SULT6B1: variants seen among roughly 807,000 people sequenced by gnomAD.
The protein encoded by SULT6B1 is sulfotransferase 6B1.
SULT6B1 carries 44 observed loss-of-function variants against 37.2 expected under a neutral mutation model. The observed-to-expected ratio is 1.18, with a 90% CI of 0.93 to 1.52. The LOEUF (loss-of-function observed/expected upper bound fraction) is 1.52. Ranked by LOEUF, SULT6B1 falls within the 40% of genes most tolerant of loss-of-function variation. SULT6B1 has a pLI of 0.00. For synonymous variants in SULT6B1, 140 were observed against 126.0 expected (o/e 1.11, Z -0.74); for missense variants, 450 against 361.0 (o/e 1.25, Z -2.00).
At chr2:37,182,639 A>G (rs922169953) in intron 3 of SULT6B1, among the ~76,000 whole-genome samples, 3 of 152,176 alleles carry the variant, frequency 2.0e-5, no homozygotes, top group Non-Finnish European at 4.4e-5. Flanking sequence ...GGGAGTTTAA[A>G]TAAATCTTGA....
intron 2 of SULT6B1, among the ~76,000 whole-genome samples, 183 bp downstream of exon 2, chr2:37,187,172 T>A (rs894632075): frequency 1.3e-5 from 2 of 152,226 alleles, no homozygotes; most frequent in African/African-American, 4.8e-5. Flanking sequence ...TGTGAAATGG[T>A]AATAAGGTTA....
At chr2:37,175,818 C>T (rs1676412456) in intron 4 of SULT6B1, among the ~76,000 whole-genome samples, 3 of 152,076 alleles carry the variant, frequency 2.0e-5, no homozygotes, top group Non-Finnish European at 2.9e-5. Context: ...CTGAAAATCT[C>T]AATTTGGATG....
Position 37,175,240 on chromosome 2 carries a change from G to C in SULT6B1, c.530-14C>G, listed in dbSNP as rs1676392496. On this transcript the variant is annotated splice_polypyrimidine_tract_variant and intron_variant, in intron 4 of 6. Transcript: ENST00000535679. ...TTCCCCAAGAAACTAAAAACACAGG[G>C]GGGAAGACTTTAAGAAATGTCAAAT... 1 of 1,477,748 alleles carries C rather than the reference G, an allele frequency of 6.8e-7. No individual in the cohort carries two copies. The highest frequency in any genetic ancestry group is 9.2e-7 in the Non-Finnish European group (1 of 1,083,844). The allele number at this position is 1,477,748 out of a possible 1,614,324, so 91.5% of individuals were successfully genotyped here. A position where few individuals can be genotyped will look rare whatever the true frequency, so the allele number is the denominator to read the frequency against.
intron 5 of SULT6B1, among the ~76,000 whole-genome samples, chr2:37,173,203 A>T (rs747818971): frequency 6.6e-6 from 1 of 152,076 alleles, no homozygotes; most frequent in Non-Finnish European, 1.5e-5. Flanking sequence ...GGTGTTAGAA[A>T]CCCAATTAAG....
Position 37,183,494 on chromosome 2 carries a change from T to C in SULT6B1, c.333A>G (p.Ser111=), listed in dbSNP as rs1449831735. 6.2e-7 allele frequency: 1 copy of C among 1,614,088 alleles called. No individual in the cohort carries two copies. The change falls in exon 3 of 7, where the codon TCA becomes TCG. Residue 111 remains serine, a synonymous_variant. Coordinates refer to ENST00000535679, the MANE Select transcript of SULT6B1 (RefSeq NM_001367551.1). The part of the protein sequence containing the change: ...EKYQRMKGFP[S]PRILATHLHY... ...GGAGGTGAGTTGCCAAAATCCTTGGTGATGGAAAGCCTTTCATTCTCTTAA... is the reference window on the plus strand; with the variant it reads ...GGAGGTGAGTTGCCAAAATCCTTGGCGATGGAAAGCCTTTCATTCTCTTAA...
chr2:37,169,348 A>G (rs1449597054), intron 6 of SULT6B1, among the ~76,000 whole-genome samples: 1 of 152,222 alleles, frequency 6.6e-6, no homozygotes, highest in East Asian at 1.9e-4. Context: ...CAGTAGAGTC[A>G]TGTCTAGGCT....
chr2:37,192,050 C>T (rs1676790792), upstream of SULT6B1, among the ~76,000 whole-genome samples: 1 of 152,174 alleles, frequency 6.6e-6, no homozygotes, highest in Non-Finnish European at 1.5e-5. Context: ...GGAGTGCAAG[C>T]AAGTACAGCT....
chr2:37,171,455 C>A lies in SULT6B1; in HGVS notation c.760G>T (p.Gly254Cys). The stretch of plus-strand genomic sequence containing the variant: ...TTACCTTTGCGGAAAAGGAATGGGC[C>A]GACAGCACCGTGTGTGTCCTGAGAC... ...AKSQDTHGAV[G>C]PFLFRKGEVG... Residue 254 changes from glycine (G) to cysteine (C), a missense_variant, in exon 6 of 7, where the codon GGC (glycine) becomes TGC (cysteine). Transcript: ENST00000535679. 1 of 1,613,756 alleles carries A rather than the reference C, an allele frequency of 6.2e-7. No individual in the cohort carries two copies. Among genetic ancestry groups the A allele is most frequent in the South Asian group, 1.1e-5 (1 of 90,978 alleles).
intron 4 of SULT6B1, among the ~76,000 whole-genome samples, chr2:37,176,884 G>A (rs1473639199): frequency 6.6e-6 from 1 of 152,156 alleles, no homozygotes; most frequent in Non-Finnish European, 1.5e-5. Flanking sequence ...GCTGTGTGGA[G>A]CTAAGGAACA....
intron 4 of SULT6B1, among the ~76,000 whole-genome samples, chr2:37,176,475 G>C (rs1676431886): frequency 1.3e-5 from 2 of 151,866 alleles, no homozygotes; most frequent in Admixed American, 1.3e-4. Context: ...GGTCAGGCTG[G>C]TCTTGAACTC....
At chr2:37,173,144 T>C (rs1676342627) in intron 5 of SULT6B1, among the ~76,000 whole-genome samples, 1 of 152,184 alleles carries the variant, frequency 6.6e-6, no homozygotes, top group Non-Finnish European at 1.5e-5. Context: ...TGAGCCACCA[T>C]GCCTGGCCTA....
chr2:37,181,443 G>A (rs12988288), intron 3 of SULT6B1, among the ~76,000 whole-genome samples: 42,815 of 151,950 alleles, frequency 0.28, 6,777 homozygotes, highest in Non-Finnish European at 0.35. Flanking sequence ...GTGCAGTGGC[G>A]CGATCTCACT....
At chr2:37,185,298 A>C (rs994046007) in intron 2 of SULT6B1, among the ~76,000 whole-genome samples, 1 of 152,220 alleles carries the variant, frequency 6.6e-6, no homozygotes, top group Non-Finnish European at 1.5e-5. Context: ...AAAATATGTA[A>C]TATAGCCCAA....
At chr2:37,195,387 T>G (rs1013409259) in intron 1 of SULT6B1, among the ~76,000 whole-genome samples, 20 of 152,240 alleles carry the variant, frequency 1.3e-4, no homozygotes, top group African/African-American at 4.6e-4. Flanking sequence ...TTTTCACAAT[T>G]TATGATGCTT....
At chr2:37,192,241 T>C (rs557685993), upstream of SULT6B1, among the ~76,000 whole-genome samples, 3 of 152,344 alleles carry the variant, frequency 2.0e-5, no homozygotes, top group South Asian at 2.1e-4. Flanking sequence ...TGTAAACATA[T>C]GTAAACATAT....
rs758175973 is a variant in SULT6B1, at chr2:37,167,911, C to A, written c.*24G>T. 1.3e-6 allele frequency: 2 copies of A among 1,537,192 alleles called. No individual in the cohort carries two copies. Among genetic ancestry groups the A allele is most frequent in the South Asian group, 2.6e-5 (2 of 76,102 alleles). On this transcript the variant is annotated 3_prime_UTR_variant, in exon 7 of 7. Transcript: ENST00000535679. ...TTAATTATTATTAAGGAAAATAAAT[C>A]TAGGCCTGCTGAATTGACTGGAATC...
intron 2 of SULT6B1, among the ~76,000 whole-genome samples, chr2:37,186,002 G>A (rs13022403): frequency 0.74 from 112,209 of 151,912 alleles, 41,675 homozygotes; most frequent in East Asian, 0.96. Context: ...CAAATCCAGG[G>A]CTCGGCACTT....
intron 4 of SULT6B1, among the ~76,000 whole-genome samples, chr2:37,177,001 C>T (rs138307531): frequency 7.7e-4 from 117 of 152,096 alleles, no homozygotes; most frequent in African/African-American, 2.6e-3. Context: ...GAGAGAGAGG[C>T]CAAGGGAATA....
At chr2:37,189,003 C>G (rs948982026), upstream of SULT6B1, among the ~76,000 whole-genome samples, 1 of 152,090 alleles carries the variant, frequency 6.6e-6, no homozygotes, top group Admixed American at 6.6e-5. Flanking sequence ...CAGAATGAAA[C>G]CTCAGTTCTC....
Sources: allele counts gnomAD v4.1 joint callset (sites outside exome capture counted in the v4.1 genomes callset), GRCh38; gene constraint gnomAD v4.1.1; transcripts MANE v1.5; gene names NCBI Gene and HGNC (gene_info 2026-07-23, HGNC 2026-07-21).